The following DOCK7 variants were observed in gnomAD, a reference collection of about 807,000 sequenced individuals.
DOCK7 encodes the protein dedicator of cytokinesis protein 7.
A neutral mutation model predicts 271.0 loss-of-function variants in DOCK7; 138 were observed. That is an observed-to-expected ratio of 0.51 (90% CI 0.44 to 0.59). The LOEUF (loss-of-function observed/expected upper bound fraction) is 0.59, where lower values mean the gene tolerates loss of function less well. Among genes scored for constraint, DOCK7 ranks in the 20% least tolerant of loss-of-function variants. DOCK7 has a pLI of 0.00. For synonymous variants in DOCK7, 823 were observed against 876.1 expected, an observed-to-expected ratio of 0.94 and a Z score of 1.07; for missense variants, 2,066 against 2,592.4, an observed-to-expected ratio of 0.80 and a Z score of 4.41.
chr1:62,606,936 G>T (rs909751486), intron 14 of DOCK7, among the ~76,000 whole-genome samples: 1 of 152,082 alleles, frequency 6.6e-6, no homozygotes, highest in South Asian at 2.1e-4. Context: ...GGCCAGGCAC[G>T]GTGGCTCACA....
intron 34 of DOCK7, among the ~76,000 whole-genome samples, chr1:62,509,914 C>T (rs1437645044): frequency 6.6e-6 from 1 of 152,192 alleles, no homozygotes; most frequent in African/African-American, 2.4e-5. Context: ...ACAATCAGTG[C>T]TATAACTGGG....
chr1:62,601,784 G>C (rs773165983), intron 14 of DOCK7: 1 of 1,608,102 alleles, frequency 6.2e-7, no homozygotes, highest in Non-Finnish European at 8.5e-7. Context: ...CCTGCTGAAT[G>C]TACCACCATT....
rs1309745575 is a variant in DOCK7, at chr1:62,488,803, T to C, written c.5493+131A>G. 2.5e-6 allele frequency: 3 copies of C among 1,183,034 alleles called. No homozygotes were observed. The Admixed American group carries it at 5.7e-5, about 22-fold the overall frequency. The allele number at this position is 1,183,034 out of a possible 1,614,324, so 73.3% of individuals were successfully genotyped here. On this transcript the variant is annotated intron_variant, in intron 42 of 49. Coordinates refer to ENST00000635253, the MANE Select transcript of DOCK7 (RefSeq NM_001367561.1). ...TTTGCTTTGGCCATGAACTATCATT[T>C]TGACCGCTCATTTGTAGTCTGATTA...
chr1:62,454,805 G>C lies in DOCK7; in HGVS notation c.*609C>G, dbSNP rs935122442. The C allele has an allele frequency of 1.2e-5, 2 of 172,798 alleles. No individual in the cohort carries two copies. Among genetic ancestry groups the C allele is most frequent in the African/African-American group, 4.7e-5 (2 of 42,548 alleles). The allele number at this position is 172,798 out of a possible 1,614,324, so 10.7% of individuals were successfully genotyped here. Reference sequence around the variant, plus strand: ...CCGTATTTAAATTATTTTACACAAAGGTTTTACTAAGTAAAGTTCTGCAAT... The same window carrying C: ...CCGTATTTAAATTATTTTACACAAACGTTTTACTAAGTAAAGTTCTGCAAT... On this transcript the variant is annotated 3_prime_UTR_variant, in exon 50 of 50. Transcript: ENST00000635253.
chr1:62,466,571 G>A (rs1440950897), intron 48 of DOCK7, among the ~76,000 whole-genome samples: 1 of 152,166 alleles, frequency 6.6e-6, no homozygotes, highest in African/African-American at 2.4e-5. Flanking sequence ...ATTGGACATT[G>A]CATCTGGCCA....
chr1:62,605,534 T>C (rs534309124), intron 14 of DOCK7: 1 of 152,558 alleles, frequency 6.6e-6, no homozygotes, highest in East Asian at 1.9e-4. Context: ...CTGTATACAT[T>C]TTATATATTT....
chr1:62,539,272 T>C (rs1015152423), intron 27 of DOCK7, among the ~76,000 whole-genome samples: 2 of 152,196 alleles, frequency 1.3e-5, no homozygotes, highest in African/African-American at 4.8e-5. Flanking sequence ...CTTGATAGTA[T>C]GATCCAGAAT....
At chr1:62,604,716 A>G (rs760361956) in intron 14 of DOCK7, 2 of 1,613,272 alleles carry the variant, frequency 1.2e-6, no homozygotes, top group Non-Finnish European at 1.7e-6. Context: ...TAAGCCAGAG[A>G]GGAGAAGAGG....
Position 62,636,574 on chromosome 1 carries a change from G to T in DOCK7, c.848C>A (p.Ala283Glu). The T allele has an allele frequency of 6.2e-7, 1 of 1,601,426 alleles. No homozygotes were observed. The highest frequency in any genetic ancestry group is 8.5e-7 in the Non-Finnish European group (1 of 1,172,514). The change falls in exon 8 of 50, where the codon GCA becomes GAA. Residue 283 changes from alanine to glutamate, a missense_variant. Physicochemically the swap from Ala to Glu is moderately radical, Grantham distance 107. Around this residue, in one of 2 missense-constraint regions of DOCK7, gnomAD observed 1,414 missense variants for 1,670.4 expected, o/e 0.85. Coordinates refer to ENST00000635253, the MANE Select transcript of DOCK7 (RefSeq NM_001367561.1). ...KFEIEIEPIFASLALYDVKEK... is the reference protein window; with the variant it reads ...KFEIEIEPIFESLALYDVKEK... ...CTTGACATCATATAAAGCCAAACTTGCAAAAATGGGTTCAATTTCAATTTC... is the reference window on the plus strand; with the variant it reads ...CTTGACATCATATAAAGCCAAACTTTCAAAAATGGGTTCAATTTCAATTTC...
chr1:62,632,079 G>T lies in DOCK7; in HGVS notation c.1117-674C>A, dbSNP rs574428193. ...CCTGCAAAAGCCAATCAACACTCAA[G>T]ACTGAAACCTATACTACCTCTCTCA... On this transcript the variant is annotated intron_variant, in intron 10 of 49. Transcript: ENST00000635253. 5.9e-5 allele frequency among the ~76,000 whole-genome samples: 9 copies of T among 152,270 alleles called. No individual in the cohort carries two copies. In the East Asian group the frequency reaches 1.4e-3, roughly 23 times the overall value.
At chr1:62,513,046 T>C (rs1644534754) in intron 33 of DOCK7, among the ~76,000 whole-genome samples, 1 of 151,986 alleles carries the variant, frequency 6.6e-6, no homozygotes, top group East Asian at 1.9e-4. Context: ...ATGTTAATAA[T>C]GGGGGAGGCT....
At chr1:62,530,565 ATTCT>A (rs1234197668) in intron 29 of DOCK7, 1 of 152,202 alleles carries the variant, frequency 6.6e-6, no homozygotes, top group Non-Finnish European at 1.5e-5. Flanking sequence ...CTAGATGGAG[ATTCT>A]TTCTTCTTTC....
chr1:62,659,296 A>C (rs961150535), intron 2 of DOCK7, among the ~76,000 whole-genome samples: 16 of 152,206 alleles, frequency 1.1e-4, no homozygotes, highest in Non-Finnish European at 1.8e-4. Context: ...AAAATAGGTA[A>C]GGTTTCTACA....
chr1:62,569,863 G>T (rs1476221509), intron 18 of DOCK7, among the ~76,000 whole-genome samples: 1 of 152,030 alleles, frequency 6.6e-6, no homozygotes, highest in Non-Finnish European at 1.5e-5. Flanking sequence ...ACAGGCACAT[G>T]CCACCACGTC....
At chr1:62,512,603 A>G (rs565323007) in intron 33 of DOCK7, among the ~76,000 whole-genome samples, 1 of 152,166 alleles carries the variant, frequency 6.6e-6, no homozygotes, top group African/African-American at 2.4e-5. Flanking sequence ...ATATTAATTC[A>G]TTTTGCAAAT....
At chr1:62,634,549 A>T (rs527537243) in intron 9 of DOCK7, 5 of 350,014 alleles carry the variant, frequency 1.4e-5, no homozygotes, top group African/African-American at 1.1e-4. Flanking sequence ...CAGATCTAAG[A>T]TATATATATA....
intron 48 of DOCK7, among the ~76,000 whole-genome samples, chr1:62,470,906 G>C (rs1372592764): frequency 6.6e-6 from 1 of 151,798 alleles, no homozygotes; most frequent in Non-Finnish European, 1.5e-5. Context: ...GAGTGTGCTT[G>C]CCCCTTCTGC....
chr1:62,543,772 G>T, intron 23 of DOCK7, 27 bp from the exon 24 acceptor site: 1 of 1,526,522 alleles, frequency 6.6e-7, no homozygotes, highest in South Asian at 1.2e-5. Context: ...AATGAATGAC[G>T]AGATAACATT....
intron 48 of DOCK7, among the ~76,000 whole-genome samples, chr1:62,472,473 T>C (rs1305791505): frequency 6.6e-6 from 1 of 152,190 alleles, no homozygotes; most frequent in Non-Finnish European, 1.5e-5. Flanking sequence ...AGGAGACCTG[T>C]TGACTACAGG....
Sources: allele counts gnomAD v4.1 joint callset (sites outside exome capture counted in the v4.1 genomes callset), GRCh38; gene constraint gnomAD v4.1.1; regional missense constraint gnomAD v4.1.1; transcripts MANE v1.5; gene names NCBI Gene and HGNC (gene_info 2026-07-23, HGNC 2026-07-21).